Variants in DPY19L4 observed in about 807,000 individuals in gnomAD.
The protein encoded by DPY19L4 is probable C-mannosyltransferase DPY19L4.
Under a neutral mutation model 102.8 loss-of-function variants are expected in DPY19L4, and 97 were observed. That is an observed-to-expected ratio of 0.94 (90% confidence interval 0.80 to 1.12). The LOEUF (loss-of-function observed/expected upper bound fraction) is 1.12, where lower values mean the gene tolerates loss of function less well. Among genes scored for constraint, DPY19L4 ranks in the 50% most tolerant of loss-of-function variants. DPY19L4 has a pLI of 0.00. For synonymous variants in DPY19L4, 252 were observed against 283.1 expected, an observed-to-expected ratio of 0.89 and a Z score of 1.10; for missense variants, 815 against 850.4, an observed-to-expected ratio of 0.96 and a Z score of 0.52.
intron 14 of DPY19L4, 71 bp downstream of exon 14, chr8:94,777,857 T>C (rs11996148): frequency 0.14 from 214,439 of 1,479,028 alleles, 17,109 homozygotes; most frequent in African/African-American, 0.29. Flanking sequence ...GAAACTACAT[T>C]GAATACAATT....
At chr8:94,774,509 C>T (rs1279022879) in intron 13 of DPY19L4, among the ~76,000 whole-genome samples, 1 of 151,786 alleles carries the variant, frequency 6.6e-6, no homozygotes, top group Non-Finnish European at 1.5e-5. Flanking sequence ...AACTGTGTAT[C>T]AATGAACAAC....
At chr8:94,770,112 C>G (rs1468143030) in intron 12 of DPY19L4, among the ~76,000 whole-genome samples, 1 of 152,130 alleles carries the variant, frequency 6.6e-6, no homozygotes, top group Non-Finnish European at 1.5e-5. Context: ...GTCTCGAACT[C>G]TTGACCTCAA....
intron 3 of DPY19L4, among the ~76,000 whole-genome samples, chr8:94,737,243 T>A (rs1811223399): frequency 6.6e-6 from 1 of 152,042 alleles, no homozygotes; most frequent in African/African-American, 2.4e-5. Flanking sequence ...TGCAGTGCAG[T>A]GGTGTGATCT....
intron 2 of DPY19L4, among the ~76,000 whole-genome samples, chr8:94,733,876 A>G (rs1811078692): frequency 6.6e-6 from 1 of 152,132 alleles, no homozygotes; most frequent in African/African-American, 2.4e-5. Context: ...TTAGATTTGC[A>G]GAAGAATTGA....
chr8:94,740,657 A>G (rs1349568947), intron 6 of DPY19L4, among the ~76,000 whole-genome samples: 4 of 152,032 alleles, frequency 2.6e-5, no homozygotes, highest in Admixed American at 6.6e-5. Context: ...GAGTTTCACT[A>G]TCTTGGTCAG....
intron 7 of DPY19L4, among the ~76,000 whole-genome samples, chr8:94,759,730 C>T (rs1275716563): frequency 2.0e-5 from 3 of 151,736 alleles, no homozygotes; most frequent in Admixed American, 1.3e-4. Flanking sequence ...CTCGAACTCC[C>T]GACCTCAGGT....
chr8:94,784,204 G>T (rs1237139486), intron 17 of DPY19L4, among the ~76,000 whole-genome samples: 3 of 149,050 alleles, frequency 2.0e-5, no homozygotes. Context: ...GAGTAGCTAG[G>T]ATTATAGGCA....
In DPY19L4 at chr8:94,788,009, G is replaced by C; in HGVS notation, c.1964G>C (p.Arg655Thr). The C allele has an allele frequency of 8.6e-6, 13 of 1,506,282 alleles. No individual in the cohort carries two copies. Among genetic ancestry groups the C allele is most frequent in the Non-Finnish European group, 9.7e-6 (11 of 1,128,988 alleles). 93.3% of individuals were successfully genotyped at this position (1,506,282 alleles called of 1,614,324 possible). ...ATCTGCAATGAGGTGGGACCCATGA[G>C]AGGCTGTAGGGTTAAAGATTTATTA... ...DAICNEVGPM[R>T]GCRVKDLLDI... is the part of the protein sequence containing the mutation. The change falls in exon 18 of 19, where the codon AGA becomes ACA. Residue 655 changes from arginine to threonine, a missense_variant. Physicochemically the swap from Arg to Thr is moderately conservative, Grantham distance 71. Coordinates refer to ENST00000414645, the MANE Select transcript of DPY19L4 (RefSeq NM_181787.3).
intron 6 of DPY19L4, among the ~76,000 whole-genome samples, chr8:94,750,379 A>G (rs1192587106): frequency 6.6e-6 from 1 of 152,242 alleles, no homozygotes; most frequent in Non-Finnish European, 1.5e-5. Flanking sequence ...ATTGACGTGT[A>G]TCTTGGAAAG....
chr8:94,758,820 C>T (rs747110009), intron 7 of DPY19L4, among the ~76,000 whole-genome samples: 23 of 151,826 alleles, frequency 1.5e-4, no homozygotes, highest in African/African-American at 2.4e-4. Context: ...CTGCAACCTC[C>T]GCCTCCCAAG....
chr8:94,768,337 T>A (rs926148389), intron 11 of DPY19L4, 58 bp from the exon 12 acceptor site: 1 of 1,390,552 alleles, frequency 7.2e-7, no homozygotes, highest in Non-Finnish European at 9.9e-7. Flanking sequence ...AAAAAAATAC[T>A]TCTGTGTTCA....
rs942072385 is a variant in DPY19L4, at chr8:94,755,887, A to T, written c.612-149A>T. On this transcript the variant is annotated intron_variant, in intron 6 of 18. Transcript: ENST00000414645. ...ACGACAGAGCGAGACTCCATCTCAAAAAAAAAAAGGACAATGGTGGATCTG... is the reference window on the plus strand; with the variant it reads ...ACGACAGAGCGAGACTCCATCTCAATAAAAAAAAGGACAATGGTGGATCTG... 3 of 785,104 alleles carry T rather than the reference A, an allele frequency of 3.8e-6. No individual in the cohort carries two copies. In the African/African-American group the frequency reaches 5.4e-5, roughly 14 times the overall value. The allele number at this position is 785,104 out of a possible 1,614,324, so 48.6% of individuals were successfully genotyped here.
chr8:94,745,688 C>A (rs4371975), intron 6 of DPY19L4, among the ~76,000 whole-genome samples: 25,056 of 151,958 alleles, frequency 0.16, 2,135 homozygotes, highest in Admixed American at 0.22. Flanking sequence ...CGTTTTATTC[C>A]AAGGAAGTAA....
chr8:94,769,062 G>GTT (rs983995829), intron 12 of DPY19L4, among the ~76,000 whole-genome samples: 12 of 127,216 alleles, frequency 9.4e-5, no homozygotes, highest in East Asian at 2.3e-4. Context: ...TAGTTTTTTT[G>GTT]TTTTTTTTTT....
At chr8:94,726,702 TGTGAC>T (rs2130786218) in intron 2 of DPY19L4, among the ~76,000 whole-genome samples, 1 of 152,292 alleles carries the variant, frequency 6.6e-6, no homozygotes, top group African/African-American at 2.4e-5. Flanking sequence ...AGATTTTTCT[TGTGAC>T]GTAGGAAAAG....
rs1312577325 is a variant in DPY19L4 at position 94,792,459 on chromosome 8, G to C, written c.*2549G>C. Reference sequence around the variant, plus strand: ...AACGGGGTTTCGCCATGTTGGCCAGGCTGGTCTCGAACTCCTGACCTCAGA... The same window carrying C: ...AACGGGGTTTCGCCATGTTGGCCAGCCTGGTCTCGAACTCCTGACCTCAGA... On this transcript the variant is annotated 3_prime_UTR_variant, in exon 19 of 19. Transcript: ENST00000414645. 1.3e-5 allele frequency: 2 copies of C among 151,732 alleles called. No individual in the cohort carries two copies. The highest frequency in any genetic ancestry group is 2.9e-5 in the Non-Finnish European group (2 of 67,932). 9.4% of individuals were successfully genotyped at this position (151,732 alleles called of 1,614,324 possible). A position where few individuals can be genotyped will look rare whatever the true frequency, so the allele number is the denominator to read the frequency against.
At chr8:94,753,481 C>T (rs1812033135) in intron 6 of DPY19L4, among the ~76,000 whole-genome samples, 1 of 152,044 alleles carries the variant, frequency 6.6e-6, no homozygotes, top group Non-Finnish European at 1.5e-5. Context: ...TCTCTTTCTT[C>T]CTAGGAAATT....
intron 2 of DPY19L4, among the ~76,000 whole-genome samples, chr8:94,732,741 C>T (rs1811016510): frequency 1.3e-5 from 2 of 150,530 alleles, no homozygotes; most frequent in Admixed American, 1.3e-4. Context: ...TTGGGTCATA[C>T]ATTCCTTTGG....
chr8:94,752,878 G>C (rs924224219), intron 6 of DPY19L4, among the ~76,000 whole-genome samples: 54 of 151,602 alleles, frequency 3.6e-4, no homozygotes, highest in African/African-American at 1.2e-3. Context: ...TGTTAGCCAG[G>C]ATGGTCTCGA....
Sources: allele counts gnomAD v4.1 joint callset (sites outside exome capture counted in the v4.1 genomes callset), GRCh38; gene constraint gnomAD v4.1.1; transcripts MANE v1.5; gene names NCBI Gene and HGNC (gene_info 2026-07-23, HGNC 2026-07-21).